Variants in GALNTL5 observed in about 807,000 individuals in gnomAD.
The protein encoded by GALNTL5 is polypeptide N-acetylgalactosaminyltransferase like 5.
In GALNTL5, 44 loss-of-function variants were observed where a neutral mutation model predicts 51.0. The ratio of observed to expected loss-of-function variants is 0.86; its 90% CI spans 0.68 to 1.11. GALNTL5 has a LOEUF of 1.11. Ranked by LOEUF, GALNTL5 falls within the 50% of genes least tolerant of loss-of-function variation. GALNTL5 has a pLI of 0.00. For synonymous variants in GALNTL5, 192 were observed against 182.8 expected (o/e 1.05, Z -0.41); for missense variants, 528 against 531.8 (o/e 0.99, Z 0.07).
chr7:151,983,851 C>T (rs774763865), intron 4 of GALNTL5, among the ~76,000 whole-genome samples: 14 of 152,144 alleles, frequency 9.2e-5, no homozygotes, highest in Admixed American at 2.0e-4. Context: ...ATACATGCTA[C>T]CATATTTTAT....
At chr7:151,966,053 G>T (rs2081054906) in intron 1 of GALNTL5, among the ~76,000 whole-genome samples, 3 of 151,794 alleles carry the variant, frequency 2.0e-5, no homozygotes, top group Non-Finnish European at 4.4e-5. Flanking sequence ...CTACATATTG[G>T]TGTACCCATA....
chr7:151,998,784 C>A (rs67365146), intron 5 of GALNTL5, among the ~76,000 whole-genome samples: 16,608 of 44,832 alleles, frequency 0.37, 1,672 homozygotes, highest in East Asian at 0.59. Flanking sequence ...AAAAAAAAAA[C>A]AAAAAACAAA....
intron 5 of GALNTL5, among the ~76,000 whole-genome samples, chr7:151,995,638 G>C (rs1435081826): frequency 6.6e-5 from 10 of 150,764 alleles, no homozygotes; most frequent in Non-Finnish European, 8.8e-5. Context: ...TAACATGGCT[G>C]TTACAATGAT....
intron 3 of GALNTL5, among the ~76,000 whole-genome samples, chr7:151,973,973 C>T (rs1348992041): frequency 7.2e-5 from 11 of 152,240 alleles, no homozygotes; most frequent in Admixed American, 6.5e-4. Flanking sequence ...AAGTTTCCCC[C>T]GTGCTCGCTC....
chr7:151,997,071 C>A (rs1397387118), intron 5 of GALNTL5, among the ~76,000 whole-genome samples: 1 of 152,126 alleles, frequency 6.6e-6, no homozygotes, highest in Non-Finnish European at 1.5e-5. Flanking sequence ...TAGACTACGA[C>A]AGGAGAGCAG....
intron 7 of GALNTL5, among the ~76,000 whole-genome samples, chr7:152,012,313 G>A (rs529593301): frequency 6.6e-6 from 1 of 152,290 alleles, no homozygotes; most frequent in South Asian, 2.1e-4. Flanking sequence ...GTGGATGGAG[G>A]TCTTATTTAC....
intron 5 of GALNTL5, among the ~76,000 whole-genome samples, chr7:151,990,451 G>A (rs2081412781): frequency 6.6e-6 from 1 of 150,506 alleles, no homozygotes; most frequent in Admixed American, 6.6e-5. Context: ...CGTGGTGGCG[G>A]GCGCCTGTAG....
chr7:152,003,079 C>A (rs2081603090), intron 6 of GALNTL5, 116 bp downstream of exon 6: 2 of 877,714 alleles, frequency 2.3e-6, no homozygotes, highest in Admixed American at 2.5e-5. Context: ...TGTTATGTTA[C>A]TTGTTTCTAG....
chr7:151,987,501 AG>A (rs2081372805), intron 5 of GALNTL5, among the ~76,000 whole-genome samples: 1 of 152,102 alleles, frequency 6.6e-6, no homozygotes, highest in South Asian at 2.1e-4. Context: ...ATTCTTTCGC[AG>A]GGACGTTAAT....
At chr7:151,963,508 G>A (rs551606963) in intron 1 of GALNTL5, among the ~76,000 whole-genome samples, 28 of 152,218 alleles carry the variant, frequency 1.8e-4, no homozygotes, top group East Asian at 9.7e-4. Flanking sequence ...AGCCATTCTC[G>A]TGCCTCAGCC....
intron 1 of GALNTL5, among the ~76,000 whole-genome samples, chr7:151,956,828 T>C (rs1399863725): frequency 6.6e-6 from 1 of 152,154 alleles, no homozygotes; most frequent in African/African-American, 2.4e-5. Context: ...TTGTAATGGC[T>C]TTAGTTCATG....
At chr7:151,990,280 G>T (rs2081410405) in intron 5 of GALNTL5, among the ~76,000 whole-genome samples, 1 of 151,978 alleles carries the variant, frequency 6.6e-6, no homozygotes. Context: ...TTGGCCTCAA[G>T]TGGTCTACCT....
At chr7:152,013,153 G>A (rs886724786) in intron 7 of GALNTL5, among the ~76,000 whole-genome samples, 1 of 152,062 alleles carries the variant, frequency 6.6e-6, no homozygotes, top group Non-Finnish European at 1.5e-5. Context: ...ATTGTACATG[G>A]ACACAAAGCA....
chr7:151,971,017 G>A lies in GALNTL5; in HGVS notation c.320G>A (p.Ser107Asn), dbSNP rs189658061. ...AAATATGGATTTAATGTGATTATCA[G>A]TAGAAGCTTGGGCATCGAAAGAGAA... The part of the protein sequence containing the change: ...LLKYGFNVII[S>N]RSLGIEREVP... Residue 107 changes from serine (S) to asparagine (N), a missense_variant, in exon 3 of 9, where the codon AGT becomes AAT. Physicochemically the swap from Ser to Asn is conservative, Grantham distance 46. Transcript: ENST00000392800. 714 of 1,611,284 alleles carry A rather than the reference G, an allele frequency of 4.4e-4. 6 individuals carry two copies. In the Admixed American group the frequency reaches 0.012, roughly 26 times the overall value.
At chr7:152,009,781 T>C (rs984658681) in intron 7 of GALNTL5, among the ~76,000 whole-genome samples, 9 of 152,208 alleles carry the variant, frequency 5.9e-5, no homozygotes, top group Non-Finnish European at 1.2e-4. Context: ...GCAGGGCAAG[T>C]CTACTCTGAT....
chr7:152,005,362 T>C (rs2081630432), intron 6 of GALNTL5, among the ~76,000 whole-genome samples: 1 of 152,164 alleles, frequency 6.6e-6, no homozygotes, highest in Non-Finnish European at 1.5e-5. Flanking sequence ...TGCCCTTTTC[T>C]AAGGGCAGAG....
At chr7:151,980,482 G>A (rs1051503364) in intron 3 of GALNTL5, among the ~76,000 whole-genome samples, 7 of 152,094 alleles carry the variant, frequency 4.6e-5, no homozygotes, top group Middle Eastern at 6.3e-3. Context: ...CATCTGTTCC[G>A]GTGCTTCCTT....
intron 2 of GALNTL5, 144 bp downstream of exon 2, chr7:151,967,637 T>C: frequency 3.8e-6 from 2 of 524,034 alleles, no homozygotes; most frequent in Non-Finnish European, 6.4e-6. Flanking sequence ...TATATATCTA[T>C]ACATAGAAAA....
intron 3 of GALNTL5, 181 bp from the exon 4 acceptor site, chr7:151,982,805 C>A: frequency 7.7e-7 from 1 of 1,295,636 alleles, no homozygotes; most frequent in Non-Finnish European, 1.1e-6. Flanking sequence ...AATATTAGAA[C>A]AACATAAGAA....
Sources: gnomAD v4.1 joint callset for allele counts (sites outside exome capture counted in the v4.1 genomes callset) on GRCh38, gnomAD v4.1.1 for gene constraint, MANE v1.5 for transcripts, NCBI Gene and HGNC (gene_info 2026-07-23, HGNC 2026-07-21) for gene names.